The following CNGA3 variants were observed in gnomAD, a reference collection of about 807,000 sequenced individuals.
The protein encoded by CNGA3 is cyclic nucleotide-gated channel alpha-3.
A neutral mutation model predicts 46.6 loss-of-function variants in CNGA3; 42 were observed. The observed-to-expected ratio is 0.90, with a 90% CI of 0.70 to 1.17. The LOEUF (loss-of-function observed/expected upper bound fraction) is 1.17, where lower values mean the gene tolerates loss of function less well. CNGA3 is among the 50% of genes most tolerant of loss of function. The pLI, the probability that CNGA3 is intolerant of heterozygous loss-of-function variation, is 0.00. For synonymous variants in CNGA3, 394 were observed against 369.4 expected (o/e 1.07, Z -0.76); for missense variants, 893 against 890.7 (o/e 1.00, Z -0.03).
At chr2:98,358,347 C>T (rs747388687) in intron 1 of CNGA3, among the ~76,000 whole-genome samples, 8 of 152,088 alleles carry the variant, frequency 5.3e-5, no homozygotes, top group Non-Finnish European at 1.2e-4. Flanking sequence ...TGGTAGAATA[C>T]CACCAACTTG....
At chr2:98,384,078 G>A (rs748502659) in intron 5 of CNGA3, among the ~76,000 whole-genome samples, 4 of 151,726 alleles carry the variant, frequency 2.6e-5, no homozygotes, top group Admixed American at 6.6e-5. Flanking sequence ...TAGTAGAGAG[G>A]GGGGGTTTCA....
At chr2:98,366,446 GC>G (rs1357595198) in intron 1 of CNGA3, among the ~76,000 whole-genome samples, 1 of 152,242 alleles carries the variant, frequency 6.6e-6, no homozygotes, top group African/African-American at 2.4e-5. Context: ...CGCTGCACTT[GC>G]GGGGGATCCC....
chr2:98,378,197 G>A (rs553491648), intron 3 of CNGA3: 72 of 1,550,186 alleles, frequency 4.6e-5, no homozygotes, highest in East Asian at 7.3e-5. Context: ...AGGGTCTCCC[G>A]GGTGCTCGTC....
At chr2:98,389,461 C>G (rs775036261) in intron 5 of CNGA3, among the ~76,000 whole-genome samples, 197 bp from the exon 6 acceptor site, 17 of 152,134 alleles carry the variant, frequency 1.1e-4, no homozygotes, top group Non-Finnish European at 2.4e-4. Flanking sequence ...GAGAGAAGGA[C>G]CTCTGGAGTC....
chr2:98,365,806 A>C (rs1692135055), intron 1 of CNGA3, among the ~76,000 whole-genome samples: 1 of 152,138 alleles, frequency 6.6e-6, no homozygotes, highest in Non-Finnish European at 1.5e-5. Context: ...GTAATGTTTT[A>C]TCATGGTTCT....
chr2:98,391,051 G>C lies in CNGA3; in HGVS notation c.567-813G>C, dbSNP rs544242910. ...CTCCTGAGCAAGCCTGCAAGACAGAGAGCCACTGCTCTGAGAGGCTAGTTG... is the reference window on the plus strand; with the variant it reads ...CTCCTGAGCAAGCCTGCAAGACAGACAGCCACTGCTCTGAGAGGCTAGTTG... On this transcript the variant is annotated intron_variant, in intron 6 of 7. Coordinates refer to ENST00000272602, the MANE Select transcript of CNGA3 (RefSeq NM_001298.3). Among the ~76,000 whole-genome samples the C allele has an allele frequency of 3.9e-5, 6 of 152,324 alleles. No individual in the cohort carries two copies. The South Asian group carries it at 1.2e-3, about 32-fold the overall frequency.
rs766729479 is a variant in CNGA3 at position 98,389,650 on chromosome 2, G to A, written c.450-8G>A. 4 of 1,612,560 alleles carry A rather than the reference G, an allele frequency of 2.5e-6. No individual in the cohort carries two copies. Among genetic ancestry groups the A allele is most frequent in the Non-Finnish European group, 3.4e-6 (4 of 1,178,704 alleles). ...CAGTGCGCTGTTTGTGTATGTGTGG[G>A]TTTCCAGGAAGAAGACGAAAAAGAA... On this transcript the variant is annotated splice_polypyrimidine_tract_variant and splice_region_variant and intron_variant, in intron 5 of 7. Transcript: ENST00000272602.
At position 98,396,599 on chromosome 2, in the gene CNGA3, C is replaced by T; in HGVS notation, c.1429C>T (p.Leu477=). The change falls in exon 8 of 8, where the codon CTG becomes TTG. Residue 477 remains leucine, a synonymous_variant. Coordinates refer to ENST00000272602, the MANE Select transcript of CNGA3 (RefSeq NM_001298.3). ...CGCCATCAACGTGCACCTGGACACG[C>T]TGAAGAAGGTTCGCATCTTCCAGGA... ...EIAINVHLDT[L]KKVRIFQDCE... The T allele has an allele frequency of 1.2e-6, 2 of 1,614,050 alleles. No homozygotes were observed. Among genetic ancestry groups the T allele is most frequent in the Non-Finnish European group, 1.7e-6 (2 of 1,179,974 alleles).
intron 1 of CNGA3, among the ~76,000 whole-genome samples, chr2:98,347,853 C>G (rs1212710903): frequency 6.6e-6 from 1 of 152,234 alleles, no homozygotes; most frequent in Non-Finnish European, 1.5e-5. Flanking sequence ...CACCCCCTCC[C>G]CCCAACACAT....
intron 2 of CNGA3, among the ~76,000 whole-genome samples, chr2:98,375,101 C>A (rs1465633561): frequency 6.6e-6 from 1 of 152,244 alleles, no homozygotes; most frequent in African/African-American, 2.4e-5. Flanking sequence ...AGATCCCGCC[C>A]ATATGCAACA....
At chr2:98,381,224 C>G (rs941015473) in intron 4 of CNGA3, among the ~76,000 whole-genome samples, 4 of 152,062 alleles carry the variant, frequency 2.6e-5, no homozygotes, top group Non-Finnish European at 5.9e-5. Context: ...AGAGGCAAGA[C>G]GTTGAGGGGA....
chr2:98,378,365 T>C (rs1692461088), intron 3 of CNGA3: 1 of 914,970 alleles, frequency 1.1e-6, no homozygotes, highest in Admixed American at 3.2e-5. Flanking sequence ...CATCTAGAAA[T>C]GCATCTAACA....
At chr2:98,355,472 G>A (rs1233683754) in intron 1 of CNGA3, among the ~76,000 whole-genome samples, 1 of 152,080 alleles carries the variant, frequency 6.6e-6, no homozygotes, top group Non-Finnish European at 1.5e-5. Context: ...TAGAATTGAA[G>A]GACTTTTAAT....
chr2:98,388,195 A>C (rs7602422), intron 5 of CNGA3, among the ~76,000 whole-genome samples: 10,077 of 152,294 alleles, frequency 0.066, 998 homozygotes, highest in African/African-American at 0.21. Context: ...TCCGGGACGC[A>C]GCAGCCTGCC....
rs774018805 is a variant in CNGA3, at chr2:98,398,035, G to A, written c.*780G>A. On this transcript the variant is annotated 3_prime_UTR_variant, in exon 8 of 8. Transcript: ENST00000272602. ...CCATTCTTGAGTCAGGGCCCTAGGTGACCTATTCTAACTCAAGGAGGAGAG... is the reference window on the plus strand; with the variant it reads ...CCATTCTTGAGTCAGGGCCCTAGGTAACCTATTCTAACTCAAGGAGGAGAG... 3.9e-5 allele frequency: 6 copies of A among 152,600 alleles called. No homozygotes were observed. The highest frequency in any genetic ancestry group is 8.8e-5 in the Non-Finnish European group (6 of 68,380). 9.5% of individuals were successfully genotyped at this position (152,600 alleles called of 1,614,324 possible).
In CNGA3 at chr2:98,376,831, C is replaced by T. The variant is rs368082517; in HGVS notation, c.102-856C>T. Reference sequence around the variant, plus strand: ...CTGGCTTTTAATCAGGCTGATCAAACTTCAGCCCCAGGAGGTTTAAAAGAA... The same window carrying T: ...CTGGCTTTTAATCAGGCTGATCAAATTTCAGCCCCAGGAGGTTTAAAAGAA... On this transcript the variant is annotated intron_variant, in intron 2 of 7. Coordinates refer to ENST00000272602, the MANE Select transcript of CNGA3 (RefSeq NM_001298.3). Among the ~76,000 whole-genome samples, 4 of 152,318 alleles carry T rather than the reference C, an allele frequency of 2.6e-5. 1 individual carries two copies. Among genetic ancestry groups the T allele is most frequent in the African/African-American group, 9.6e-5 (4 of 41,562 alleles).
intron 2 of CNGA3, among the ~76,000 whole-genome samples, chr2:98,370,813 T>C (rs1404646294): frequency 1.3e-5 from 2 of 152,170 alleles, no homozygotes; most frequent in African/African-American, 4.8e-5. Context: ...TAAACCCTTA[T>C]GTTTCTTTGT....
intron 1 of CNGA3, among the ~76,000 whole-genome samples, chr2:98,358,251 C>T (rs895587130): frequency 2.6e-5 from 4 of 152,260 alleles, no homozygotes; most frequent in East Asian, 1.9e-4. Context: ...ATTGTTTATT[C>T]GGCCTTTCCT....
chr2:98,397,115 G>A lies in CNGA3; in HGVS notation c.1945G>A (p.Ala649Thr). The change falls in exon 8 of 8, where the codon GCT becomes ACT. Residue 649 changes from alanine to threonine, a missense_variant. Physicochemically the swap from Ala to Thr is moderately conservative, Grantham distance 58. Around this residue, in one of 3 missense-constraint regions of CNGA3, gnomAD observed 548 missense variants for 570.8 expected, o/e 0.96. Coordinates refer to ENST00000272602, the MANE Select transcript of CNGA3 (RefSeq NM_001298.3). ...GCAGACCAGGTTTGCACGCCTCCTG[G>A]CTGAGTACAACGCCACCCAGATGAA... ...TLQTRFARLL[A>T]EYNATQMKMK... The A allele has an allele frequency of 6.2e-7, 1 of 1,614,178 alleles. No homozygotes were observed. The highest frequency in any genetic ancestry group is 2.2e-5 in the East Asian group (1 of 44,878).
Sources: allele counts gnomAD v4.1 joint callset (sites outside exome capture counted in the v4.1 genomes callset), GRCh38; gene constraint gnomAD v4.1.1; regional missense constraint gnomAD v4.1.1; transcripts MANE v1.5; gene names NCBI Gene and HGNC (gene_info 2026-07-23, HGNC 2026-07-21).